FRMD6: variants seen among roughly 807,000 people sequenced by gnomAD.
FRMD6 encodes FERM domain containing 6, also known as FERM domain-containing protein 6.
Under a neutral mutation model 73.2 loss-of-function variants are expected in FRMD6, and 37 were observed. The observed-to-expected ratio is 0.51, with a 90% CI of 0.39 to 0.66. FRMD6 has a LOEUF of 0.66. Among genes scored for constraint, FRMD6 ranks in the 30% least tolerant of loss-of-function variants. The pLI, the probability that FRMD6 is intolerant of heterozygous loss-of-function variation, is 0.00. For synonymous variants in FRMD6, 273 were observed against 282.2 expected (o/e 0.97, Z 0.33); for missense variants, 714 against 780.5 (o/e 0.91, Z 1.02).
At chr14:51,611,111 G>A (rs1191316466) in intron 2 of FRMD6, among the ~76,000 whole-genome samples, 33 of 152,182 alleles carry the variant, frequency 2.2e-4, no homozygotes, top group Non-Finnish European at 4.9e-4. Context: ...TGTGGTCTCT[G>A]AGCAGGATCT....
intron 2 of FRMD6, among the ~76,000 whole-genome samples, chr14:51,632,449 G>A (rs150353635): frequency 3.3e-4 from 51 of 152,310 alleles, no homozygotes; most frequent in Middle Eastern, 3.4e-3. Flanking sequence ...TGTGCATTAT[G>A]AGCCTCCAAA....
intron 1 of FRMD6, among the ~76,000 whole-genome samples, chr14:51,506,275 C>T (rs1480606837): frequency 6.6e-6 from 1 of 152,222 alleles, no homozygotes; most frequent in East Asian, 1.9e-4. Context: ...TCTCTAGCTT[C>T]CCCAGGCCTC....
chr14:51,449,649 T>A, the FRMD6 span, among the ~76,000 whole-genome samples: 34 of 152,346 alleles, frequency 2.2e-4, no homozygotes, highest in South Asian at 3.9e-3. Context: ...AAATTAATTT[T>A]AATTAACTTT....
At chr14:51,620,310 A>G (rs548504732) in intron 2 of FRMD6, among the ~76,000 whole-genome samples, 1 of 152,304 alleles carries the variant, frequency 6.6e-6, no homozygotes, top group Non-Finnish European at 1.5e-5. Context: ...GCTAATTAGC[A>G]CAAATACAGC....
intron 1 of FRMD6, among the ~76,000 whole-genome samples, chr14:51,500,896 G>T (rs924111221): frequency 6.6e-6 from 1 of 152,164 alleles, no homozygotes; most frequent in Non-Finnish European, 1.5e-5. Context: ...AATTGTCAAT[G>T]ATCTCAAAAA....
intron 2 of FRMD6, among the ~76,000 whole-genome samples, chr14:51,581,609 T>G (rs576349282): frequency 6.6e-6 from 1 of 152,324 alleles, no homozygotes; most frequent in East Asian, 1.9e-4. Flanking sequence ...TATAAATCAC[T>G]AAGTTTATAT....
intron 1 of FRMD6, among the ~76,000 whole-genome samples, chr14:51,491,111 G>A (rs1882978555): frequency 2.0e-5 from 3 of 152,196 alleles, no homozygotes; most frequent in Admixed American, 2.0e-4. Flanking sequence ...TTCCCTGGGT[G>A]TCTCCAAGGG....
chr14:51,471,218 G>A, the FRMD6 span, among the ~76,000 whole-genome samples: 33 of 152,112 alleles, frequency 2.2e-4, no homozygotes, highest in African/African-American at 7.0e-4. Flanking sequence ...GGCCAGGTGC[G>A]GTGGCTCACG....
At chr14:51,652,406 G>T (rs1462419698) in intron 1 of FRMD6, among the ~76,000 whole-genome samples, 1 of 152,184 alleles carries the variant, frequency 6.6e-6, no homozygotes, top group South Asian at 2.1e-4. Flanking sequence ...TCTCTGCATC[G>T]CGGAGGTCCC....
chr14:51,638,687 A>G (rs1310173325), intron 2 of FRMD6, among the ~76,000 whole-genome samples: 3 of 152,206 alleles, frequency 2.0e-5, no homozygotes, highest in Non-Finnish European at 4.4e-5. Flanking sequence ...GCTGAGTTGC[A>G]GATGGAATGT....
the FRMD6 span, among the ~76,000 whole-genome samples, chr14:51,424,180 G>C: frequency 1.3e-5 from 2 of 152,060 alleles, no homozygotes; most frequent in African/African-American, 4.8e-5. Flanking sequence ...TCATCCTCTC[G>C]GGTGTGAAAG....
intron 1 of FRMD6, among the ~76,000 whole-genome samples, chr14:51,536,175 G>A (rs1157542590): frequency 6.7e-6 from 1 of 150,132 alleles, no homozygotes; most frequent in East Asian, 2.0e-4. Context: ...AATCACTGCA[G>A]CCTCACCTCC....
chr14:51,456,245 G>A, the FRMD6 span, among the ~76,000 whole-genome samples: 1 of 151,966 alleles, frequency 6.6e-6, no homozygotes. Flanking sequence ...GTGGTTTGTT[G>A]CCCTTATCAA....
At chr14:51,623,293 G>C (rs1890999104) in intron 2 of FRMD6, among the ~76,000 whole-genome samples, 1 of 152,178 alleles carries the variant, frequency 6.6e-6, no homozygotes, top group Non-Finnish European at 1.5e-5. Context: ...TCGCATTGGA[G>C]AATCTCCTCC....
intron 2 of FRMD6, among the ~76,000 whole-genome samples, chr14:51,694,264 A>T (rs944822158): frequency 1.3e-5 from 2 of 152,212 alleles, no homozygotes; most frequent in Non-Finnish European, 2.9e-5. Flanking sequence ...GATTTGAGTG[A>T]AGTAATTGTG....
intron 1 of FRMD6, among the ~76,000 whole-genome samples, chr14:51,536,127 C>T (rs1885877904): frequency 6.7e-6 from 1 of 148,268 alleles, no homozygotes; most frequent in African/African-American, 2.5e-5. Context: ...CAGGGTCTCA[C>T]CCTGTTTTCC....
chr14:51,578,692 G>A (rs955574298), intron 2 of FRMD6, among the ~76,000 whole-genome samples: 1 of 152,182 alleles, frequency 6.6e-6, no homozygotes, highest in African/African-American at 2.4e-5. Context: ...CACATGATCT[G>A]TGTAACATCC....
chr14:51,659,196 C>G (rs182426159), intron 1 of FRMD6, among the ~76,000 whole-genome samples: 4 of 152,310 alleles, frequency 2.6e-5, no homozygotes, highest in Admixed American at 2.6e-4. Context: ...CTCTCTACAC[C>G]TCTTTTTCCT....
chr14:51,516,252 T>G (rs1340907812), intron 1 of FRMD6, among the ~76,000 whole-genome samples: 1 of 152,202 alleles, frequency 6.6e-6, no homozygotes, highest in Non-Finnish European at 1.5e-5. Flanking sequence ...CCACCTGAGT[T>G]GATAAATTCT....
Sources: allele counts gnomAD v4.1 joint callset (sites outside exome capture counted in the v4.1 genomes callset), GRCh38; gene constraint gnomAD v4.1.1; transcripts MANE v1.5; gene names NCBI Gene and HGNC (gene_info 2026-07-23, HGNC 2026-07-21).